The following PCDH19 variants were observed in gnomAD, a reference collection of about 807,000 sequenced individuals.
The protein encoded by PCDH19 is protocadherin 19.
Under a neutral mutation model 46.2 loss-of-function variants are expected in PCDH19, and 6 were observed. That is an observed-to-expected ratio of 0.13 (90% confidence interval 0.07 to 0.26). The LOEUF is 0.26. Ranked by LOEUF, PCDH19 falls within the 10% of genes least tolerant of loss-of-function variation. The probability of loss-of-function intolerance (pLI) is 1.00; values close to 1 mark genes in which losing one functional copy is unlikely to be tolerated. For missense variants in PCDH19, 740 were observed against 972.3 expected (o/e 0.76, Z 3.18); for synonymous variants, 481 against 415.7 (o/e 1.16, Z -1.91).
Position 100,407,226 on chromosome X carries a change from A to C in PCDH19, c.1372T>G (p.Tyr458Asp), listed in dbSNP as rs1064794762. ...DNHPHFSKPY[Y>D]QVIVQENNTP... ...TTGTTCTCCTGCACAATGACCTGGT[A>C]GTAGGGCTTGGAAAAGTGCGGGTGG... Residue 458 changes from tyrosine (Y) to aspartate (D), a missense_variant, in exon 1 of 6, where the codon TAC becomes GAC. Physicochemically the swap from Tyr to Asp is radical, Grantham distance 160. Around this residue, in one of 5 missense-constraint regions of PCDH19, gnomAD observed 186 missense variants for 319.9 expected, o/e 0.58. Transcript: ENST00000373034. 2 of 1,211,394 alleles carry C rather than the reference A, an allele frequency of 1.7e-6. No individual in the cohort carries two copies. The highest frequency in any genetic ancestry group is 2.2e-6 in the Non-Finnish European group (2 of 895,414).
chrX:100,357,853 C>T (rs762628471), intron 3 of PCDH19, among the ~76,000 whole-genome samples: 5 of 112,053 alleles, frequency 4.5e-5, no homozygotes, highest in Admixed American at 9.5e-5. Context: ...TCTGCCACAA[C>T]GCTAAACATT....
At chrX:100,340,734 C>T (rs776247218) in intron 5 of PCDH19, among the ~76,000 whole-genome samples, 2 of 112,102 alleles carry the variant, frequency 1.8e-5, no homozygotes, top group South Asian at 3.7e-4. Flanking sequence ...ATAGAATCTA[C>T]AGTGACTAAT....
intron 4 of PCDH19, among the ~76,000 whole-genome samples, chrX:100,344,404 C>A (rs946445661): frequency 1.8e-5 from 2 of 111,444 alleles, no homozygotes; most frequent in African/African-American, 6.5e-5. Context: ...TCTGTAAATA[C>A]TATTATAATC....
chrX:100,367,841 A>G (rs1927111736), intron 3 of PCDH19, among the ~76,000 whole-genome samples: 1 of 111,601 alleles, frequency 9.0e-6, no homozygotes, highest in Admixed American at 9.5e-5. Flanking sequence ...GAAAGCCTCC[A>G]TGGGTAACAC....
At chrX:100,404,012 TTGTC>T (rs963768752) in intron 1 of PCDH19, among the ~76,000 whole-genome samples, 3 of 112,156 alleles carry the variant, frequency 2.7e-5, no homozygotes, top group African/African-American at 9.7e-5. Context: ...ACAAAGCTAA[TTGTC>T]TGAATACAAA....
chrX:100,371,993 C>T (rs1406420670), intron 3 of PCDH19, among the ~76,000 whole-genome samples: 3 of 111,733 alleles, frequency 2.7e-5, no homozygotes, highest in Non-Finnish European at 5.6e-5. Context: ...TCCCAGCACA[C>T]TGGGATGCCA....
At chrX:100,332,293 G>A (rs999305279) in intron 5 of PCDH19, among the ~76,000 whole-genome samples, 3 of 111,581 alleles carry the variant, frequency 2.7e-5, no homozygotes, top group South Asian at 3.8e-4. Flanking sequence ...AGGCCAAGGC[G>A]GGTGGATCAC....
rs377415279 is a variant in PCDH19 at position 100,296,520 on chromosome X, G to C, written c.3204C>G (p.Pro1068=). 20 of 1,208,982 alleles carry C rather than the reference G, an allele frequency of 1.7e-5. No homozygotes were observed. Among genetic ancestry groups the C allele is most frequent in the Non-Finnish European group, 2.0e-5 (18 of 894,725 alleles). Residue 1068 remains proline (P), a synonymous_variant, in exon 6 of 6, where the codon CCC becomes CCG. Coordinates refer to ENST00000373034, the MANE Select transcript of PCDH19 (RefSeq NM_001184880.2). ...TGGGCAGAGAGCTCTTGAGGTGGAG[G>C]GGGGAGGTGACAGGGCTAATCGCCT... ...GCEAISPVTS[P]LHLKSSLPTK... is the part of the protein sequence containing the mutation.
chrX:100,401,207 T>A (rs1385328736), intron 3 of PCDH19, among the ~76,000 whole-genome samples: 8 of 112,021 alleles, frequency 7.1e-5, no homozygotes, highest in Non-Finnish European at 1.5e-4. Flanking sequence ...AAAGAGGGAC[T>A]TAAGCAATTC....
chrX:100,366,639 G>T (rs185469086), intron 3 of PCDH19, among the ~76,000 whole-genome samples: 1 of 112,113 alleles, frequency 8.9e-6, no homozygotes, highest in African/African-American at 3.2e-5. Context: ...TATAAACAAG[G>T]TTACAAGGAA....
chrX:100,382,530 T>C (rs957460586), intron 3 of PCDH19, among the ~76,000 whole-genome samples: 11 of 111,780 alleles, frequency 9.8e-5, no homozygotes, highest in African/African-American at 3.6e-4. Context: ...GCAGTGGCCC[T>C]GAAACAGAGC....
Position 100,406,647 on chromosome X carries a change from A to C in PCDH19, c.1951T>G (p.Ser651Ala). The C allele has an allele frequency of 8.3e-7, 1 of 1,211,532 alleles. No homozygotes were observed. Among genetic ancestry groups the C allele is most frequent in the Non-Finnish European group, 1.1e-6 (1 of 895,382 alleles). Residue 651 changes from serine to alanine, a missense_variant, in exon 1 of 6, where the codon TCT becomes GCT. By Grantham distance (99) the Ser-to-Ala change is moderately conservative. Transcript: ENST00000373034. ...AGGACGAGAGCAGAGGCAGAGAGAG[A>C]TGTCTTGCCGTGGTCGTGAGCCACC... ...IVVAHDHGKT[S>A]LSASALVLIY...
At chrX:100,358,435 T>C (rs1926782707) in intron 3 of PCDH19, among the ~76,000 whole-genome samples, 2 of 112,439 alleles carry the variant, frequency 1.8e-5, no homozygotes, top group African/African-American at 6.4e-5. Flanking sequence ...ATTGTTTCAC[T>C]GGCACCATTG....
intron 4 of PCDH19, among the ~76,000 whole-genome samples, chrX:100,347,413 G>A (rs762779281): frequency 8.9e-6 from 1 of 112,065 alleles, no homozygotes; most frequent in East Asian, 2.8e-4. Context: ...CCTGTCTGAA[G>A]TATTTTTAGC....
intron 3 of PCDH19, among the ~76,000 whole-genome samples, chrX:100,387,426 A>G (rs2147521270): frequency 8.9e-6 from 1 of 111,938 alleles, no homozygotes; most frequent in Admixed American, 9.5e-5. Context: ...TGGGGCTATC[A>G]TGTTGAAACA....
rs1435670783 is a variant in PCDH19, at chrX:100,293,350, G to A, written c.*2927C>T. On this transcript the variant is annotated 3_prime_UTR_variant, in exon 6 of 6. Transcript: ENST00000373034. ...TCAACACCAACTCCTCCTTAAAAGGGACATCAGAATAAATGGAATAGAACT... is the reference window on the plus strand; with the variant it reads ...TCAACACCAACTCCTCCTTAAAAGGAACATCAGAATAAATGGAATAGAACT... 1 of 111,391 alleles carries A rather than the reference G, an allele frequency of 9.0e-6. No individual in the cohort carries two copies. The highest frequency in any genetic ancestry group is 1.9e-5 in the Non-Finnish European group (1 of 53,057). 9.2% of individuals were successfully genotyped at this position (111,391 alleles called of 1,213,427 possible).
chrX:100,394,947 G>A (rs1041269201), intron 3 of PCDH19, among the ~76,000 whole-genome samples: 8 of 104,128 alleles, frequency 7.7e-5, no homozygotes, highest in Non-Finnish European at 1.2e-4. Context: ...GAGTGCAGTG[G>A]CGGGATCTTG....
chrX:100,374,060 G>A (rs184757288), intron 3 of PCDH19, among the ~76,000 whole-genome samples: 2 of 112,753 alleles, frequency 1.8e-5, no homozygotes, highest in African/African-American at 3.2e-5. Context: ...CATTGATTTC[G>A]TCAGTAGCTT....
chrX:100,332,998 CT>C (rs1925924476), intron 5 of PCDH19, among the ~76,000 whole-genome samples: 1 of 98,354 alleles, frequency 1.0e-5, no homozygotes, highest in Non-Finnish European at 2.0e-5. Context: ...TGAGACCCAT[CT>C]CAAAAAAAGA....
Sources: gnomAD v4.1 joint callset for allele counts (sites outside exome capture counted in the v4.1 genomes callset) on GRCh38, gnomAD v4.1.1 for gene constraint, gnomAD v4.1.1 regional missense constraint, MANE v1.5 for transcripts, NCBI Gene and HGNC (gene_info 2026-07-23, HGNC 2026-07-21) for gene names.